The following MB variants were observed in gnomAD, a reference collection of about 807,000 sequenced individuals.
MB encodes nitrite reductase MB.
MB carries 10 observed loss-of-function variants against 14.5 expected under a neutral mutation model. The observed-to-expected ratio is 0.69, with a 90% CI of 0.43 to 1.17. The LOEUF (loss-of-function observed/expected upper bound fraction) is 1.17. Ranked by LOEUF, MB falls within the 50% of genes most tolerant of loss-of-function variation. The pLI, the probability that MB is intolerant of heterozygous loss-of-function variation, is 0.00. For missense variants in MB, 169 were observed against 192.7 expected (o/e 0.88, Z 0.73); for synonymous variants, 89 against 78.6 (o/e 1.13, Z -0.70).
chr22:35,609,482 C>A (rs1406573680), intron 2 of MB, among the ~76,000 whole-genome samples: 1 of 152,134 alleles, frequency 6.6e-6, no homozygotes, highest in African/African-American at 2.4e-5. Flanking sequence ...GCAGGCAGGA[C>A]TCTGCGCAAT....
chr22:35,622,074 C>T (rs1923502229), upstream of MB: 1 of 152,248 alleles, frequency 6.6e-6, no homozygotes, highest in African/African-American at 2.4e-5. Flanking sequence ...GGACAGCTGA[C>T]AATTCCCTTT....
intron 1 of MB, 46 bp from the exon 2 acceptor site, chr22:35,611,152 G>T: frequency 7.1e-7 from 1 of 1,401,180 alleles, no homozygotes; most frequent in Non-Finnish European, 1.0e-6. Context: ...GGTGCGGTGT[G>T]AGGTCTGGGG....
At chr22:35,620,120 G>C (rs2145927235), upstream of MB, among the ~76,000 whole-genome samples, 1 of 152,354 alleles carries the variant, frequency 6.6e-6, no homozygotes, top group Non-Finnish European at 1.5e-5. Context: ...TGGATCACAA[G>C]GTCAAGAGAT....
chr22:35,615,384 C>A (rs1463710524), intron 1 of MB, among the ~76,000 whole-genome samples: 1 of 152,174 alleles, frequency 6.6e-6, no homozygotes, highest in African/African-American at 2.4e-5. Context: ...GCCTCTGGGA[C>A]CTTTCAGGGA....
upstream of MB, among the ~76,000 whole-genome samples, chr22:35,620,764 G>C (rs908555313): frequency 6.6e-6 from 1 of 152,180 alleles, no homozygotes; most frequent in Non-Finnish European, 1.5e-5. Context: ...GTGCGGGGCA[G>C]GGCAGGGCTG....
Position 35,610,979 on chromosome 22 carries a change from C to G in MB, c.223G>C (p.Gly75Arg). Residue 75 changes from glycine to arginine, a missense_variant, in exon 2 of 3, where the codon GGC becomes CGC. Physicochemically the swap from Gly to Arg is moderately radical, Grantham distance 125 (BLOSUM62 -2). Transcript: ENST00000397326. ...HGATVLTALG[G>R]ILKKKGHHEA... is the part of the protein sequence containing the mutation. Reference sequence around the variant, plus strand: ...TGATGCCCCTTCTTCTTAAGGATGCCACCCAGGGCGGTGAGCACGGTGGCA... The same window carrying G: ...TGATGCCCCTTCTTCTTAAGGATGCGACCCAGGGCGGTGAGCACGGTGGCA... The G allele has an allele frequency of 6.2e-7, 1 of 1,614,204 alleles. No homozygotes were observed. The highest frequency in any genetic ancestry group is 8.5e-7 in the Non-Finnish European group (1 of 1,180,024).
rs528814261 is a variant in MB at position 35,607,138 on chromosome 22, C to T, written c.*159G>A. On this transcript the variant is annotated 3_prime_UTR_variant, in exon 3 of 3. Transcript: ENST00000397326. ...AGGCGCATCGCTGGGCATGCAAAGCCAACTTCAACACCCCAGCCCCAGCCC... is the reference window on the plus strand; with the variant it reads ...AGGCGCATCGCTGGGCATGCAAAGCTAACTTCAACACCCCAGCCCCAGCCC... 138 of 800,434 alleles carry T rather than the reference C, an allele frequency of 1.7e-4. No homozygotes were observed. The African/African-American group carries it at 2.0e-3, about 12-fold the overall frequency. 49.6% of individuals were successfully genotyped at this position (800,434 alleles called of 1,614,324 possible).
chr22:35,617,531 G>A (rs1368230348), upstream of MB: 5 of 452,960 alleles, frequency 1.1e-5, no homozygotes, highest in South Asian at 8.7e-5. Flanking sequence ...GACAGCTCAG[G>A]CCACAGGGGG....
chr22:35,617,299 C>T lies in MB; in HGVS notation c.-42G>A, dbSNP rs761157160. On this transcript the variant is annotated 5_prime_UTR_variant, in exon 1 of 3. In the 5' UTR this introduces an upstream ATG that the reference lacks. Coordinates refer to ENST00000397326, the MANE Select transcript of MB (RefSeq NM_005368.3). ...GACAAAAAGAGCAAGTATGGGCTCA[C>T]TGGGTGTCCTGGCCCCAACAGCTGG... 4.2e-5 allele frequency: 63 copies of T among 1,508,112 alleles called. 1 individual carries two copies. Among genetic ancestry groups the T allele is most frequent in the Admixed American group, 6.7e-5 (4 of 59,678 alleles). The allele number at this position is 1,508,112 out of a possible 1,614,324, so 93.4% of individuals were successfully genotyped here.
intron 1 of MB, among the ~76,000 whole-genome samples, chr22:35,613,521 G>A (rs1396605539): frequency 2.6e-5 from 4 of 152,070 alleles, no homozygotes; most frequent in Middle Eastern, 3.2e-3. Flanking sequence ...TTTGAGACAC[G>A]GTATTGCTCT....
intron 1 of MB, among the ~76,000 whole-genome samples, chr22:35,616,564 CT>C (rs923515518): frequency 9.2e-5 from 14 of 152,142 alleles, no homozygotes; most frequent in African/African-American, 3.4e-4. Flanking sequence ...CATGCCAGGC[CT>C]CTTGCATGCA....
At position 35,607,401 on chromosome 22, in the gene MB, G is replaced by A. The variant is rs769102587; in HGVS notation, c.361C>T (p.Pro121Ser). 9 of 1,614,104 alleles carry A rather than the reference G, an allele frequency of 5.6e-6. No homozygotes were observed. In the Admixed American group the frequency reaches 1.2e-4, roughly 21 times the overall value. ...TGGGCATCAGCACCAAAGTCCCCGG[G>A]ATGCTTGCTCTGCAGAACCTGGATG... ...CIIQVLQSKH[P>S]GDFGADAQGA... Residue 121 changes from proline (P) to serine (S), a missense_variant, in exon 3 of 3, where the codon CCC (proline) becomes TCC (serine). Transcript: ENST00000397326.
At position 35,617,171 on chromosome 22, in the gene MB, G is replaced by C. The variant is rs1400774437; in HGVS notation, c.87C>G (p.Val29=). 1.2e-6 allele frequency: 2 copies of C among 1,612,972 alleles called. No individual in the cohort carries two copies. Among genetic ancestry groups the C allele is most frequent in the Admixed American group, 3.3e-5 (2 of 60,014 alleles). ...EADIPGHGQE[V]LIRLFKGHPE... is the part of the protein sequence containing the mutation. Reference sequence around the variant, plus strand: ...GAATCTCTTCCTTTTACCTGATGAGGACTTCCTGCCCATGGCCTGGGATGT... The same window carrying C: ...GAATCTCTTCCTTTTACCTGATGAGCACTTCCTGCCCATGGCCTGGGATGT... Residue 29 remains valine (V), a synonymous_variant, in exon 1 of 3, where the codon GTC becomes GTG. Coordinates refer to ENST00000397326, the MANE Select transcript of MB (RefSeq NM_005368.3).
At chr22:35,613,460 T>C (rs1922806684) in intron 1 of MB, among the ~76,000 whole-genome samples, 1 of 152,220 alleles carries the variant, frequency 6.6e-6, no homozygotes, top group African/African-American at 2.4e-5. Flanking sequence ...TTCTTTCCAC[T>C]CAACACCAGA....
intron 2 of MB, among the ~76,000 whole-genome samples, chr22:35,609,328 C>T (rs534191419): frequency 3.9e-5 from 6 of 152,252 alleles, no homozygotes; most frequent in South Asian, 4.1e-4. Context: ...CTGAAAGCCT[C>T]GTGGGCCTGG....
chr22:35,609,778 T>C (rs1922450809), intron 2 of MB, among the ~76,000 whole-genome samples: 2 of 152,298 alleles, frequency 1.3e-5, no homozygotes, highest in African/African-American at 4.8e-5. Flanking sequence ...GAACACTAGT[T>C]GTATTTGGAG....
Position 35,617,261 on chromosome 22 carries a change from G to A in MB, c.-4C>T, listed in dbSNP as rs544085067. 3.0e-5 allele frequency: 48 copies of A among 1,612,914 alleles called. No individual in the cohort carries two copies. Among genetic ancestry groups the A allele is most frequent in the African/African-American group, 9.3e-5 (7 of 75,022 alleles). ...ATTCCCCGTCGCTGAGCCCCATGGC[G>A]CAGTCTGAAGAAGACAAAAAGAGCA... On this transcript the variant is annotated 5_prime_UTR_variant, in exon 1 of 3. Transcript: ENST00000397326.
chr22:35,611,131 T>A, intron 1 of MB, 25 bp from the exon 2 acceptor site: 2 of 1,576,456 alleles, frequency 1.3e-6, no homozygotes, highest in Non-Finnish European at 1.7e-6. Flanking sequence ...AAGGCTGGAG[T>A]CGGCATGGGA....
At chr22:35,614,909 C>G (rs1011889598) in intron 1 of MB, among the ~76,000 whole-genome samples, 1 of 152,072 alleles carries the variant, frequency 6.6e-6, no homozygotes, top group Non-Finnish European at 1.5e-5. Context: ...TTGTTCCCCC[C>G]GCTCCCCAAA....
Sources: gnomAD v4.1 joint callset for allele counts (sites outside exome capture counted in the v4.1 genomes callset) on GRCh38, gnomAD v4.1.1 for gene constraint, MANE v1.5 for transcripts, NCBI Gene and HGNC (gene_info 2026-07-23, HGNC 2026-07-21) for gene names.